The following FBLN1 variants were observed in gnomAD, a reference collection of about 807,000 sequenced individuals.
FBLN1 encodes the protein fibulin 1, also known as fibulin-1.
A neutral mutation model predicts 89.7 loss-of-function variants in FBLN1; 34 were observed. That is an observed-to-expected ratio of 0.38 (90% CI 0.29 to 0.50). The LOEUF is 0.50. FBLN1 is among the 20% of genes least tolerant of loss of function. FBLN1 has a pLI of 0.92. For missense variants in FBLN1, 777 were observed against 988.1 expected, an observed-to-expected ratio of 0.79 and a Z score of 2.86; for synonymous variants, 393 against 391.3, an observed-to-expected ratio of 1.00 and a Z score of -0.05.
rs759997221 is a variant in FBLN1 at position 45,563,113 on chromosome 22, G to A, written c.1698-11398G>A. 6.2e-7 allele frequency: 1 copy of A among 1,613,228 alleles called. No homozygotes were observed. The highest frequency in any genetic ancestry group is 1.3e-5 in the African/African-American group (1 of 74,864). ...ATGAGGAGGGCTTTTTCACCACCCG[G>A]AAGGTGAGCCCCCACAGTGGGGTGG... On this transcript the variant is annotated intron_variant, in intron 14 of 16. Transcript: ENST00000327858. This position sits in a 1 kb window ranked among gnomAD's most constrained non-coding sequence, Gnocchi z 5.7.
chr22:45,578,360 G>A lies in FBLN1; in HGVS notation c.1972+1252G>A, dbSNP rs191162235. 6.6e-6 allele frequency: 1 copy of A among 152,326 alleles called. No individual in the cohort carries two copies. Among genetic ancestry groups the A allele is most frequent in the Admixed American group, 6.5e-5 (1 of 15,304 alleles). The allele number at this position is 152,326 out of a possible 1,614,324, so 9.4% of individuals were successfully genotyped here. A position where few individuals can be genotyped will look rare whatever the true frequency, so the allele number is the denominator to read the frequency against. The stretch of plus-strand genomic sequence containing the variant: ...TGTAAACATGACTGAGTCACTGGGG[G>A]GCTCCCCACCCCAGCCTCCTCCTGC... On this transcript the variant is annotated intron_variant, in intron 16 of 16. Coordinates refer to ENST00000327858, the MANE Select transcript of FBLN1 (RefSeq NM_006486.3). The surrounding 1 kb of genome is among the most constrained non-coding windows in gnomAD (Gnocchi z 4.6).
rs539181647 is a variant in FBLN1, at chr22:45,576,493, G to A, written c.1841-484G>A. Among the ~76,000 whole-genome samples, 5 of 152,138 alleles carry A rather than the reference G, an allele frequency of 3.3e-5. No individual in the cohort carries two copies. In the South Asian group the frequency reaches 1.0e-3, roughly 32 times the overall value. ...GACAGCCCAGAGCTGGGGCTGCCCT[G>A]CTTCACTGTCTGATCTGGGAGATGG... On this transcript the variant is annotated intron_variant, in intron 15 of 16. Coordinates refer to ENST00000327858, the MANE Select transcript of FBLN1 (RefSeq NM_006486.3). This position sits in a 1 kb window ranked among gnomAD's most constrained non-coding sequence, Gnocchi z 5.2.
Position 45,597,668 on chromosome 22 carries a change from C to G in FBLN1, c.1973-2639C>G. Reference sequence around the variant, plus strand: ...CTGGCGAGCCCAGGGTGGTGACAGGCGCACGTCTTTTGCCGGGAGCTGAAG... The same window carrying G: ...CTGGCGAGCCCAGGGTGGTGACAGGGGCACGTCTTTTGCCGGGAGCTGAAG... On this transcript the variant is annotated intron_variant, in intron 16 of 16. Transcript: ENST00000327858. The surrounding 1 kb of genome is among the most constrained non-coding windows in gnomAD (Gnocchi z 4.2). Among the ~76,000 whole-genome samples, 1 of 152,126 alleles carries G rather than the reference C, an allele frequency of 6.6e-6. No homozygotes were observed. The highest frequency in any genetic ancestry group is 2.4e-5 in the African/African-American group (1 of 41,426).
chr22:45,504,081 C>T (rs2087985314), intron 1 of FBLN1, among the ~76,000 whole-genome samples: 1 of 152,186 alleles, frequency 6.6e-6, no homozygotes, highest in African/African-American at 2.4e-5. Flanking sequence ...TGCCCTAGAC[C>T]ACCCTCAGAA....
In FBLN1 at chr22:45,550,715, CT is replaced by C; in HGVS notation, c.1697+101del. 1 of 1,550,336 alleles carries C rather than the reference CT, an allele frequency of 6.5e-7. No homozygotes were observed. The highest frequency in any genetic ancestry group is 8.9e-7 in the Non-Finnish European group (1 of 1,125,204). The stretch of plus-strand genomic sequence containing the variant: ...GTTATCAGGCTGTGACCTCGGTGTC[CT>C]CCCATGAGGGACTCAGGGCACTCAA... On this transcript the variant is annotated intron_variant, in intron 14 of 16. Coordinates refer to ENST00000327858, the MANE Select transcript of FBLN1 (RefSeq NM_006486.3). The surrounding 1 kb of genome is among the most constrained non-coding windows in gnomAD (Gnocchi z 8.4).
chr22:45,518,127 C>A (rs372893805), intron 1 of FBLN1, among the ~76,000 whole-genome samples: 584 of 122,520 alleles, frequency 4.8e-3, no homozygotes, highest in Admixed American at 5.3e-3. Flanking sequence ...GACTCTGTCT[C>A]AAAAAAAAAA....
At position 45,505,907 on chromosome 22, in the gene FBLN1, G is replaced by A. The variant is rs534378382; in HGVS notation, c.79+2843G>A. The stretch of plus-strand genomic sequence containing the variant: ...CTGCTTCAGCCTCCCCAGCAGCTGG[G>A]ATTGCAGGCGCCCATCACGCCCAGC... On this transcript the variant is annotated intron_variant, in intron 1 of 16. Coordinates refer to ENST00000327858, the MANE Select transcript of FBLN1 (RefSeq NM_006486.3). Among the ~76,000 whole-genome samples, 27 of 152,260 alleles carry A rather than the reference G, an allele frequency of 1.8e-4. 1 individual carries two copies. The South Asian group carries it at 5.4e-3, about 30-fold the overall frequency.
chr22:45,531,831 GC>G lies in FBLN1; in HGVS notation c.544+512del, dbSNP rs1483959716. Among the ~76,000 whole-genome samples the G allele has an allele frequency of 2.6e-5, 4 of 152,220 alleles. No homozygotes were observed. The South Asian group carries it at 6.2e-4, about 24-fold the overall frequency. The stretch of plus-strand genomic sequence containing the variant: ...GTGTGGAAAGCCTGCACGTTACCGA[GC>G]CCCCAGGCCTTGTGAAGGTGACAGA... On this transcript the variant is annotated intron_variant, in intron 5 of 16. Transcript: ENST00000327858. The surrounding 1 kb of genome is among the most constrained non-coding windows in gnomAD (Gnocchi z 4.9).
At chr22:45,586,619 T>A (rs929500624) in intron 16 of FBLN1, among the ~76,000 whole-genome samples, 7 of 152,338 alleles carry the variant, frequency 4.6e-5, no homozygotes, top group Middle Eastern at 3.4e-3. Context: ...TCTGAAAATT[T>A]CCATCTCCCG....
chr22:45,566,855 A>G (rs2088905008), intron 14 of FBLN1, among the ~76,000 whole-genome samples: 1 of 152,200 alleles, frequency 6.6e-6, no homozygotes, highest in African/African-American at 2.4e-5. Context: ...TCCCAAGGAG[A>G]AAAGACAGCA....
At chr22:45,564,502 G>A (rs1435676914) in intron 14 of FBLN1, among the ~76,000 whole-genome samples, 1 of 152,216 alleles carries the variant, frequency 6.6e-6, no homozygotes, top group Non-Finnish European at 1.5e-5. Context: ...TCCGGCCCTT[G>A]GTACGTGCTT....
chr22:45,523,880 A>C (rs1350289624), intron 2 of FBLN1, among the ~76,000 whole-genome samples: 2 of 152,084 alleles, frequency 1.3e-5, no homozygotes, highest in Admixed American at 1.3e-4. Context: ...CGGCAGCTGC[A>C]CCCTTTTCCA....
At chr22:45,512,825 G>A (rs1010917459) in intron 1 of FBLN1, among the ~76,000 whole-genome samples, 2 of 151,994 alleles carry the variant, frequency 1.3e-5, no homozygotes, top group South Asian at 2.1e-4. Context: ...TGGTGCAGTC[G>A]TGGCCCACTG....
intron 16 of FBLN1, among the ~76,000 whole-genome samples, chr22:45,596,734 GTAAA>G (rs2089190156): frequency 6.8e-6 from 1 of 146,284 alleles, no homozygotes; most frequent in Non-Finnish European, 1.5e-5. Context: ...AAATTTTAGA[GTAAA>G]TGTAAACATT....
intron 9 of FBLN1, 146 bp from the exon 10 acceptor site, chr22:45,542,009 T>G: frequency 8.0e-7 from 1 of 1,249,716 alleles, no homozygotes; most frequent in Non-Finnish European, 1.1e-6. Flanking sequence ...GGCCCGGCAC[T>G]CAGTAGGTGC....
rs2088791283 is a variant in FBLN1, at chr22:45,556,596, C to T, written c.1697+5981C>T. 6.6e-6 allele frequency among the ~76,000 whole-genome samples: 1 copy of T among 152,136 alleles called. No homozygotes were observed. The highest frequency in any genetic ancestry group is 2.4e-5 in the African/African-American group (1 of 41,430). ...ACTGAGAGATGCCCTAATGGATCTC[C>T]TGTATTCCATGCATACTCTAACTTA... On this transcript the variant is annotated intron_variant, in intron 14 of 16. Transcript: ENST00000327858. The surrounding 1 kb of genome is among the most constrained non-coding windows in gnomAD (Gnocchi z 4.6).
intron 16 of FBLN1, among the ~76,000 whole-genome samples, chr22:45,585,298 CT>C (rs1394634985): frequency 6.6e-6 from 1 of 152,222 alleles, no homozygotes; most frequent in Non-Finnish European, 1.5e-5. Flanking sequence ...ACCTCTCCCC[CT>C]GGCCAGGCAA....
At chr22:45,526,951 G>A (rs2088337292) in intron 3 of FBLN1, among the ~76,000 whole-genome samples, 1 of 152,236 alleles carries the variant, frequency 6.6e-6, no homozygotes, top group Admixed American at 6.5e-5. Flanking sequence ...TCTAGCAGGA[G>A]TGGGAACAGA....
At chr22:45,513,301 C>T (rs1329190193) in intron 1 of FBLN1, among the ~76,000 whole-genome samples, 2 of 139,456 alleles carry the variant, frequency 1.4e-5, no homozygotes, top group African/African-American at 5.1e-5. Flanking sequence ...CCATTTTAAC[C>T]ATTTCCTTTT....
Sources: gnomAD v4.1 joint callset for allele counts (sites outside exome capture counted in the v4.1 genomes callset) on GRCh38, gnomAD v4.1.1 for gene constraint, Gnocchi (gnomAD v3.1) non-coding constraint, MANE v1.5 for transcripts, NCBI Gene and HGNC (gene_info 2026-07-23, HGNC 2026-07-21) for gene names.